ABCA13: variants seen among roughly 807,000 people sequenced by gnomAD.
ABCA13 encodes ATP-binding cassette sub-family A member 13.
A neutral mutation model predicts 478.7 loss-of-function variants in ABCA13; 476 were observed. The observed-to-expected ratio is 0.99, with a 90% CI of 0.92 to 1.07. The LOEUF is 1.07. Ranked by LOEUF, ABCA13 falls within the 50% of genes least tolerant of loss-of-function variation. ABCA13 has a pLI of 0.00. For missense variants in ABCA13, 6,060 were observed against 5,910.6 expected (o/e 1.03, Z -0.83); for synonymous variants, 2,252 against 2,158.9 (o/e 1.04, Z -1.20).
At chr7:48,511,660 A>G (rs1264068368) in intron 51 of ABCA13, among the ~76,000 whole-genome samples, 2 of 152,140 alleles carry the variant, frequency 1.3e-5, no homozygotes, top group East Asian at 3.9e-4. Flanking sequence ...AAAAAATAGC[A>G]AATGGAGAAA....
At chr7:48,206,541 C>G (rs1381063389) in intron 3 of ABCA13, among the ~76,000 whole-genome samples, 1 of 152,052 alleles carries the variant, frequency 6.6e-6, no homozygotes, top group Non-Finnish European at 1.5e-5. Flanking sequence ...TAATTCATTC[C>G]TTTTTATTTT....
chr7:48,601,608 T>C (rs1790903859), intron 58 of ABCA13, among the ~76,000 whole-genome samples: 1 of 152,208 alleles, frequency 6.6e-6, no homozygotes, highest in South Asian at 2.1e-4. Flanking sequence ...ACATTTTCTT[T>C]ATCCAGTCTA....
chr7:48,524,134 G>A (rs571922647), intron 53 of ABCA13, 114 bp from the exon 54 acceptor site: 5 of 951,828 alleles, frequency 5.3e-6, no homozygotes, highest in Non-Finnish European at 7.6e-6. Flanking sequence ...TGACTGCCCA[G>A]AAGTCCGAAG....
intron 50 of ABCA13, among the ~76,000 whole-genome samples, chr7:48,510,804 C>T (rs527944397): frequency 6.6e-6 from 1 of 152,164 alleles, no homozygotes; most frequent in Admixed American, 6.5e-5. Flanking sequence ...TGAGGGCTCA[C>T]CCAATTGACT....
intron 45 of ABCA13, among the ~76,000 whole-genome samples, chr7:48,472,513 T>A (rs1045786102): frequency 6.6e-6 from 1 of 152,160 alleles, no homozygotes; most frequent in Non-Finnish European, 1.5e-5. Flanking sequence ...GTCTAGGGTG[T>A]CAAATGAAGT....
At chr7:48,350,538 A>G in intron 29 of ABCA13, 105 bp from the exon 30 acceptor site, 3 of 1,245,164 alleles carry the variant, frequency 2.4e-6, no homozygotes, top group Non-Finnish European at 3.3e-6. Flanking sequence ...TAGTGGAAGA[A>G]TTCATATTCA....
intron 42 of ABCA13, among the ~76,000 whole-genome samples, chr7:48,453,569 C>T (rs187571705): frequency 7.9e-5 from 12 of 152,256 alleles, no homozygotes; most frequent in African/African-American, 2.6e-4. Context: ...GTGCCACATT[C>T]TGTTTCCTTG....
intron 30 of ABCA13, 142 bp from the exon 31 acceptor site, chr7:48,352,039 C>A: frequency 1.4e-6 from 1 of 738,868 alleles, no homozygotes; most frequent in Non-Finnish European, 2.1e-6. Context: ...TTTGCCACTG[C>A]GGGCTGGGGC....
chr7:48,396,159 T>G (rs949673789), intron 38 of ABCA13, among the ~76,000 whole-genome samples: 1 of 152,204 alleles, frequency 6.6e-6, no homozygotes, highest in African/African-American at 2.4e-5. Flanking sequence ...GTTTCCTTGG[T>G]GTGCCCAAAT....
At chr7:48,622,026 G>T (rs768792221) in intron 59 of ABCA13, among the ~76,000 whole-genome samples, 2 of 152,076 alleles carry the variant, frequency 1.3e-5, no homozygotes, top group Non-Finnish European at 2.9e-5. Context: ...AAGTGTATTT[G>T]CTCCCTCCCT....
At chr7:48,530,963 A>G (rs920110636) in intron 55 of ABCA13, among the ~76,000 whole-genome samples, 2 of 152,008 alleles carry the variant, frequency 1.3e-5, no homozygotes, top group African/African-American at 4.8e-5. Context: ...CTGATTGCTT[A>G]TTTGGCTGTG....
chr7:48,375,841 T>C (rs1336631183), intron 34 of ABCA13, among the ~76,000 whole-genome samples: 1 of 152,134 alleles, frequency 6.6e-6, no homozygotes, highest in Non-Finnish European at 1.5e-5. Context: ...AAATGGAAAC[T>C]GTTAGACCAT....
intron 40 of ABCA13, 37 bp downstream of exon 40, chr7:48,410,714 A>T (rs762091865): frequency 2.5e-6 from 4 of 1,585,224 alleles, no homozygotes. Flanking sequence ...CTGAAGTCCC[A>T]TTTCTGTCTG....
intron 3 of ABCA13, among the ~76,000 whole-genome samples, chr7:48,199,724 T>C (rs1274645274): frequency 1.3e-5 from 2 of 152,230 alleles, no homozygotes; most frequent in Admixed American, 6.5e-5. Context: ...AAGGGAAATA[T>C]ACAAAACTCT....
chr7:48,578,596 A>G (rs1788410570), intron 55 of ABCA13, among the ~76,000 whole-genome samples: 1 of 152,178 alleles, frequency 6.6e-6, no homozygotes, highest in Admixed American at 6.5e-5. Context: ...TTGGGGTAGA[A>G]AAACTTAACA....
chr7:48,176,708 C>T (rs972947426), intron 1 of ABCA13, among the ~76,000 whole-genome samples: 52 of 152,112 alleles, frequency 3.4e-4, no homozygotes, highest in African/African-American at 1.2e-3. Context: ...AGGCTGAATC[C>T]CTGCTGGGCT....
At chr7:48,307,301 C>T (rs554110993) in intron 23 of ABCA13, among the ~76,000 whole-genome samples, 2 of 152,330 alleles carry the variant, frequency 1.3e-5, no homozygotes, top group African/African-American at 4.8e-5. Flanking sequence ...CAAACCTGTA[C>T]AGCAGGTTAC....
intron 55 of ABCA13, among the ~76,000 whole-genome samples, chr7:48,570,050 T>C (rs1339768626): frequency 6.6e-6 from 1 of 152,140 alleles, no homozygotes; most frequent in Non-Finnish European, 1.5e-5. Context: ...ATATTGAATA[T>C]AGTGTATTGA....
In ABCA13 at chr7:48,278,802, G is replaced by A. The variant is rs199548845; in HGVS notation, c.7608G>A (p.Met2536Ile). ...TGGTCAAGAAAGTTTCGGGGAAGATGTCCACAGTTTTTAAAACTCATTTTA... is the reference window on the plus strand; with the variant it reads ...TGGTCAAGAAAGTTTCGGGGAAGATATCCACAGTTTTTAAAACTCATTTTA... ...LKLVKKVSGK[M>I]STVFKTHFIS... The change falls in exon 18 of 62, where the codon ATG (methionine) becomes ATA (isoleucine). Residue 2536 changes from methionine to isoleucine, a missense_variant. Transcript: ENST00000435803. 158 of 1,613,742 alleles carry A rather than the reference G, an allele frequency of 9.8e-5. No homozygotes were observed. Among genetic ancestry groups the A allele is most frequent in the Non-Finnish European group, 1.3e-4 (148 of 1,179,888 alleles).
Sources: allele counts gnomAD v4.1 joint callset (sites outside exome capture counted in the v4.1 genomes callset), GRCh38; gene constraint gnomAD v4.1.1; transcripts MANE v1.5; gene names NCBI Gene and HGNC (gene_info 2026-07-23, HGNC 2026-07-21).